COP1: variants seen among roughly 807,000 people sequenced by gnomAD.
COP1 encodes E3 ubiquitin-protein ligase COP1.
Under a neutral mutation model 101.3 loss-of-function variants are expected in COP1, and 24 were observed. That is an observed-to-expected ratio of 0.24 (90% CI 0.17 to 0.33). The LOEUF is 0.33. Among genes scored for constraint, COP1 ranks in the 10% least tolerant of loss-of-function variants. COP1 has a pLI of 1.00. For synonymous variants in COP1, 347 were observed against 341.9 expected (o/e 1.01, Z -0.17); for missense variants, 663 against 906.2 (o/e 0.73, Z 3.45).
intron 12 of COP1, among the ~76,000 whole-genome samples, chr1:176,045,581 G>GAAAAAA (rs533930344): frequency 2.0e-5 from 2 of 101,168 alleles, no homozygotes; most frequent in Non-Finnish European, 2.1e-5. Flanking sequence ...TGTTTAGAAG[G>GAAAAAA]AAAAAAAAAA....
At chr1:176,180,816 G>A (rs986643034) in intron 2 of COP1, among the ~76,000 whole-genome samples, 13 of 152,148 alleles carry the variant, frequency 8.5e-5, no homozygotes, top group African/African-American at 3.1e-4. Context: ...CTAATAACCA[G>A]GTGTAAAGAA....
intron 9 of COP1, among the ~76,000 whole-genome samples, chr1:176,102,237 C>T (rs903602798): frequency 6.6e-6 from 1 of 152,146 alleles, no homozygotes; most frequent in Non-Finnish European, 1.5e-5. Flanking sequence ...GATTCTGTCT[C>T]ACTTTGCTGA....
At chr1:175,989,805 T>G (rs1657984498) in intron 15 of COP1, among the ~76,000 whole-genome samples, 1 of 152,198 alleles carries the variant, frequency 6.6e-6, no homozygotes, top group South Asian at 2.1e-4. Context: ...AAAAAACCAT[T>G]ATTTAGATAT....
chr1:176,102,314 C>A (rs1290370002), intron 9 of COP1, among the ~76,000 whole-genome samples: 1 of 152,118 alleles, frequency 6.6e-6, no homozygotes, highest in East Asian at 1.9e-4. Context: ...TACGTGCCTG[C>A]AAGCCTAATC....
At chr1:176,122,544 G>C (rs890821748) in intron 8 of COP1, among the ~76,000 whole-genome samples, 4 of 152,064 alleles carry the variant, frequency 2.6e-5, no homozygotes, top group African/African-American at 9.7e-5. Context: ...ATTTCTACAG[G>C]AAAGACATAG....
rs1678786299 is a variant in COP1, at chr1:176,079,918, G to C, written c.1277+1234C>G. On this transcript the variant is annotated intron_variant, in intron 11 of 19. Coordinates refer to ENST00000367669, the MANE Select transcript of COP1 (RefSeq NM_022457.7). Reference sequence around the variant, plus strand: ...TGCAGTTGTAGTCCCAGCTACTCGGGAAGCTGAGGCATGAGGACTGCATGA... The same window carrying C: ...TGCAGTTGTAGTCCCAGCTACTCGGCAAGCTGAGGCATGAGGACTGCATGA... Among the ~76,000 whole-genome samples the C allele has an allele frequency of 2.0e-5, 3 of 152,002 alleles. No homozygotes were observed. In the South Asian group the frequency reaches 6.2e-4, roughly 32 times the overall value.
intron 11 of COP1, among the ~76,000 whole-genome samples, chr1:176,065,714 T>C (rs1200155159): frequency 6.7e-6 from 1 of 150,050 alleles, no homozygotes; most frequent in South Asian, 2.1e-4. Context: ...ATTTTTTTTT[T>C]TTTTTTTTTT....
intron 6 of COP1, among the ~76,000 whole-genome samples, chr1:176,142,279 G>C (rs1372307674): frequency 6.6e-6 from 1 of 151,248 alleles, no homozygotes; most frequent in Non-Finnish European, 1.5e-5. Context: ...AAAAGAAACT[G>C]TTCAAAAACC....
intron 9 of COP1, among the ~76,000 whole-genome samples, chr1:176,093,483 C>T (rs963573169): frequency 2.6e-5 from 4 of 151,270 alleles, no homozygotes; most frequent in Non-Finnish European, 5.9e-5. Flanking sequence ...CTGAGGTGGG[C>T]GGATTACAAG....
chr1:176,142,490 G>A (rs995399049), intron 6 of COP1, among the ~76,000 whole-genome samples: 1 of 151,996 alleles, frequency 6.6e-6, no homozygotes, highest in African/African-American at 2.4e-5. Context: ...AAGATAATGA[G>A]ACAGTAATAG....
intron 18 of COP1, among the ~76,000 whole-genome samples, chr1:175,970,985 G>A (rs1653122813): frequency 6.6e-6 from 1 of 152,174 alleles, no homozygotes. Flanking sequence ...GAAGTAAATC[G>A]AGAGAAGGGG....
chr1:176,114,108 T>G (rs1444218507), intron 9 of COP1, among the ~76,000 whole-genome samples: 1 of 152,158 alleles, frequency 6.6e-6, no homozygotes, highest in African/African-American at 2.4e-5. Context: ...AGAACATAAA[T>G]GGCTAGCTAT....
At chr1:176,158,113 C>T (rs1177513561) in intron 5 of COP1, among the ~76,000 whole-genome samples, 1 of 151,918 alleles carries the variant, frequency 6.6e-6, no homozygotes, top group Non-Finnish European at 1.5e-5. Flanking sequence ...AAAACCTCTA[C>T]TGCAAGGCAC....
At chr1:176,151,413 G>T (rs1692562961) in intron 5 of COP1, among the ~76,000 whole-genome samples, 1 of 137,348 alleles carries the variant, frequency 7.3e-6, no homozygotes, top group Admixed American at 7.2e-5. Flanking sequence ...AAGAAAGAAA[G>T]AAAGAAACAT....
chr1:176,173,688 A>G (rs954665248), intron 3 of COP1, among the ~76,000 whole-genome samples: 3 of 151,430 alleles, frequency 2.0e-5, no homozygotes, highest in African/African-American at 4.9e-5. Flanking sequence ...TTAGATACAT[A>G]TATTTGAGAA....
chr1:176,066,841 T>C lies in COP1; in HGVS notation c.1277+14311A>G, dbSNP rs375272502. On this transcript the variant is annotated intron_variant, in intron 11 of 19. Transcript: ENST00000367669. ...TAAACTAGAGTTTCTCTATTAATGT[T>C]CAGCACTAAGACAAGTAAGTTACAT... Among the ~76,000 whole-genome samples, 27 of 152,302 alleles carry C rather than the reference T, an allele frequency of 1.8e-4. No homozygotes were observed. In the East Asian group the frequency reaches 2.7e-3, roughly 15 times the overall value.
intron 5 of COP1, among the ~76,000 whole-genome samples, chr1:176,151,287 AAG>A (rs1491465707): frequency 6.6e-6 from 1 of 150,496 alleles, no homozygotes; most frequent in African/African-American, 2.4e-5. Context: ...GGAAGGAAGG[AAG>A]GAGAGAAAGA....
intron 15 of COP1, among the ~76,000 whole-genome samples, chr1:175,994,455 G>A (rs1659556009): frequency 6.6e-6 from 1 of 152,140 alleles, no homozygotes; most frequent in Non-Finnish European, 1.5e-5. Context: ...CTGGCAAACT[G>A]GATAAAGAGT....
At chr1:175,946,171 C>G (rs1334983709) in intron 19 of COP1, among the ~76,000 whole-genome samples, 1 of 152,128 alleles carries the variant, frequency 6.6e-6, no homozygotes, top group Admixed American at 6.5e-5. Flanking sequence ...TTGCTTGAGG[C>G]TTCCAGAACA....
Sources: allele counts gnomAD v4.1 joint callset (sites outside exome capture counted in the v4.1 genomes callset), GRCh38; gene constraint gnomAD v4.1.1; transcripts MANE v1.5; gene names NCBI Gene and HGNC (gene_info 2026-07-23, HGNC 2026-07-21).